The following MTNR1A variants were observed in gnomAD, a reference collection of about 807,000 sequenced individuals.
MTNR1A encodes melatonin receptor 1A.
A neutral mutation model predicts 5.5 loss-of-function variants in MTNR1A; 7 were observed. The observed-to-expected ratio is 1.28, with a 90% confidence interval of 0.73 to 2.40. MTNR1A has a LOEUF of 2.40. Ranked by LOEUF, MTNR1A falls within the 30% of genes most tolerant of loss-of-function variation. The probability of loss-of-function intolerance (pLI) is 0.00; values close to 1 mark genes in which losing one functional copy is unlikely to be tolerated. For missense variants in MTNR1A, 441 were observed against 464.4 expected, an observed-to-expected ratio of 0.95 and a Z score of 0.46; for synonymous variants, 196 against 202.7, an observed-to-expected ratio of 0.97 and a Z score of 0.28.
rs1736756566 is a variant in MTNR1A, at chr4:186,533,665, T to C, written c.*24A>G. 1.9e-6 allele frequency: 3 copies of C among 1,613,192 alleles called. No individual in the cohort carries two copies. In the East Asian group the frequency reaches 6.7e-5, roughly 36 times the overall value. On this transcript the variant is annotated 3_prime_UTR_variant, in exon 2 of 2. Transcript: ENST00000307161. ...AGCGAGGCCTTGCGCAGCGTGTCCATCTCACCCGGAACGTGGTGCTTTTTT... is the reference window on the plus strand; with the variant it reads ...AGCGAGGCCTTGCGCAGCGTGTCCACCTCACCCGGAACGTGGTGCTTTTTT...
chr4:186,536,852 T>G (rs1436072250), intron 1 of MTNR1A, among the ~76,000 whole-genome samples: 1 of 152,194 alleles, frequency 6.6e-6, no homozygotes, highest in Non-Finnish European at 1.5e-5. Context: ...TCCTAAGAGG[T>G]GTATTTTAAT....
At chr4:186,542,519 G>A (rs1004303183) in intron 1 of MTNR1A, among the ~76,000 whole-genome samples, 3 of 152,164 alleles carry the variant, frequency 2.0e-5, no homozygotes, top group African/African-American at 7.2e-5. Context: ...TATGTTGGTG[G>A]AATGGCTTTT....
chr4:186,545,941 T>C (rs1043507341), intron 1 of MTNR1A, among the ~76,000 whole-genome samples: 1 of 152,166 alleles, frequency 6.6e-6, no homozygotes, highest in African/African-American at 2.4e-5. Context: ...GATTCTTAAA[T>C]GTAAAGAGAC....
intron 1 of MTNR1A, among the ~76,000 whole-genome samples, chr4:186,543,192 C>T (rs1357763408): frequency 6.6e-6 from 1 of 152,218 alleles, no homozygotes; most frequent in African/African-American, 2.4e-5. Context: ...GGTTACTGTG[C>T]TTACCGTGTT....
At position 186,555,109 on chromosome 4, in the gene MTNR1A, G is replaced by T; in HGVS notation, c.184+73C>A. 1 of 1,458,714 alleles carries T rather than the reference G, an allele frequency of 6.9e-7. No homozygotes were observed. The highest frequency in any genetic ancestry group is 9.4e-7 in the Non-Finnish European group (1 of 1,063,646). The allele number at this position is 1,458,714 out of a possible 1,614,324, so 90.4% of individuals were successfully genotyped here. A position where few individuals can be genotyped will look rare whatever the true frequency, so the allele number is the denominator to read the frequency against. On this transcript the variant is annotated intron_variant, in intron 1 of 1. Transcript: ENST00000307161. This position sits in a 1 kb window ranked among gnomAD's most constrained non-coding sequence, Gnocchi z 4.1. ...GTTTAGGAAAAAGAACCAAGTGCTT[G>T]GGGAAGGCTGGCTGCCCGCGGAGAG...
At chr4:186,552,482 G>T (rs1284182280) in intron 1 of MTNR1A, among the ~76,000 whole-genome samples, 2 of 152,152 alleles carry the variant, frequency 1.3e-5, no homozygotes, top group Admixed American at 1.3e-4. Context: ...TTTTATTTAA[G>T]TATAATGTAC....
intron 1 of MTNR1A, among the ~76,000 whole-genome samples, chr4:186,542,099 T>C (rs1422813603): frequency 6.6e-6 from 1 of 152,220 alleles, no homozygotes; most frequent in Non-Finnish European, 1.5e-5. Context: ...AGATTACTCC[T>C]CATGAAAACT....
rs1461522784 is a variant in MTNR1A at position 186,538,665 on chromosome 4, G to A, written c.185-4108C>T. ...AGACAGCAGCACCAGACACAGAAGC[G>A]AAAACCTCAAATACGCTATTTAATC... On this transcript the variant is annotated intron_variant, in intron 1 of 1. Transcript: ENST00000307161. Among the ~76,000 whole-genome samples the A allele has an allele frequency of 5.9e-5, 9 of 152,228 alleles. No homozygotes were observed. The Middle Eastern group carries it at 0.01, about 173-fold the overall frequency.
chr4:186,538,826 C>T (rs62350384), intron 1 of MTNR1A, among the ~76,000 whole-genome samples: 8,769 of 152,176 alleles, frequency 0.058, 268 homozygotes, highest in South Asian at 0.069. Flanking sequence ...TACCTGCAGT[C>T]GATTCTGTAA....
chr4:186,546,370 C>G (rs1737142551), intron 1 of MTNR1A, among the ~76,000 whole-genome samples: 1 of 151,964 alleles, frequency 6.6e-6, no homozygotes, highest in Non-Finnish European at 1.5e-5. Context: ...TCCCCTCCCC[C>G]TTCCACACAC....
At chr4:186,544,218 A>C (rs547907943) in intron 1 of MTNR1A, among the ~76,000 whole-genome samples, 8 of 151,994 alleles carry the variant, frequency 5.3e-5, no homozygotes, top group Non-Finnish European at 1.0e-4. Context: ...ATGGGATTTC[A>C]CCATATTGGC....
Position 186,555,134 on chromosome 4 carries a change from G to A in MTNR1A, c.184+48C>T, listed in dbSNP as rs1006220946. 14 of 1,549,672 alleles carry A rather than the reference G, an allele frequency of 9.0e-6. No homozygotes were observed. The East Asian group carries it at 3.3e-4, about 37-fold the overall frequency. ...GGGGAAGGCTGGCTGCCCGCGGAGAGGCGCTGCGTCCGGAGCGCTGGCCCA... is the reference window on the plus strand; with the variant it reads ...GGGGAAGGCTGGCTGCCCGCGGAGAAGCGCTGCGTCCGGAGCGCTGGCCCA... On this transcript the variant is annotated intron_variant, in intron 1 of 1. Coordinates refer to ENST00000307161, the MANE Select transcript of MTNR1A (RefSeq NM_005958.4). The surrounding 1 kb of genome is among the most constrained non-coding windows in gnomAD (Gnocchi z 4.1).
intron 1 of MTNR1A, among the ~76,000 whole-genome samples, chr4:186,549,979 G>A (rs924020834): frequency 1.3e-5 from 2 of 152,084 alleles, no homozygotes; most frequent in East Asian, 1.9e-4. Flanking sequence ...ATTCAGCACC[G>A]TGCAAATGCA....
chr4:186,552,931 G>A (rs577466662), intron 1 of MTNR1A, among the ~76,000 whole-genome samples: 15 of 152,308 alleles, frequency 9.8e-5, no homozygotes, highest in East Asian at 1.9e-4. Context: ...AGCCTGCGTC[G>A]GCTGTGGCTG....
chr4:186,542,028 C>T (rs1737036780), intron 1 of MTNR1A, among the ~76,000 whole-genome samples: 1 of 152,336 alleles, frequency 6.6e-6, no homozygotes, highest in East Asian at 1.9e-4. Context: ...CAGTCCTTGA[C>T]CAATGGGCTC....
At position 186,534,186 on chromosome 4, in the gene MTNR1A, C is replaced by T. The variant is rs772092531; in HGVS notation, c.556G>A (p.Ala186Thr). The T allele has an allele frequency of 8.1e-6, 13 of 1,613,574 alleles. No homozygotes were observed. Among genetic ancestry groups the T allele is most frequent in the Admixed American group, 1.7e-5 (1 of 59,998 alleles). Reference protein sequence around the residue: ...SCTFAQSVSSAYTIAVVVFHF... With the variant: ...SCTFAQSVSSTYTIAVVVFHF... ...AAAACCACCACGGCGATGGTGTAGGCGGAGCTGACGGACTGGGCGAAGGTG... is the reference window on the plus strand; with the variant it reads ...AAAACCACCACGGCGATGGTGTAGGTGGAGCTGACGGACTGGGCGAAGGTG... Residue 186 changes from alanine (A) to threonine (T), a missense_variant, in exon 2 of 2, where the codon GCC (alanine) becomes ACC (threonine). Coordinates refer to ENST00000307161, the MANE Select transcript of MTNR1A (RefSeq NM_005958.4).
rs140524704 is a variant in MTNR1A at position 186,534,350 on chromosome 4, T to C, written c.392A>G (p.His131Arg). 12 of 1,614,148 alleles carry C rather than the reference T, an allele frequency of 7.4e-6. No individual in the cohort carries two copies. Among genetic ancestry groups the C allele is most frequent in the Non-Finnish European group, 9.3e-6 (11 of 1,180,024 alleles). The change falls in exon 2 of 2, where the codon CAC (histidine) becomes CGC (arginine). Residue 131 changes from histidine (H) to arginine (R), a missense_variant. Coordinates refer to ENST00000307161, the MANE Select transcript of MTNR1A (RefSeq NM_005958.4). ...GTACAGTTTGTCGTACTTGAGACTG[T>C]GGCAGATGTAGCAGTAGCGGTTGAT... ...IAINRYCYIC[H>R]SLKYDKLYSS...
At chr4:186,554,792 T>C (rs1314921860) in intron 1 of MTNR1A, among the ~76,000 whole-genome samples, 1 of 152,220 alleles carries the variant, frequency 6.6e-6, no homozygotes, top group Non-Finnish European at 1.5e-5. Flanking sequence ...TATGTTTCCA[T>C]ATTTTAACAA....
intron 1 of MTNR1A, among the ~76,000 whole-genome samples, chr4:186,545,598 T>C (rs1165150229): frequency 6.6e-6 from 1 of 152,160 alleles, no homozygotes; most frequent in Admixed American, 6.5e-5. Context: ...CACTAAGATG[T>C]TGGTTTTTCC....
Sources: allele counts gnomAD v4.1 joint callset (sites outside exome capture counted in the v4.1 genomes callset), GRCh38; gene constraint gnomAD v4.1.1; non-coding constraint Gnocchi (gnomAD v3.1); transcripts MANE v1.5; gene names NCBI Gene and HGNC (gene_info 2026-07-23, HGNC 2026-07-21).